Variants in HS3ST4 observed in about 807,000 individuals in gnomAD.
HS3ST4 encodes the protein heparan sulfate-glucosamine 3-sulfotransferase 4, also known as heparan sulfate glucosamine 3-O-sulfotransferase 4.
HS3ST4 carries 17 observed loss-of-function variants against 29.2 expected under a neutral mutation model. That is an observed-to-expected ratio of 0.58 (90% CI 0.40 to 0.87). The LOEUF (loss-of-function observed/expected upper bound fraction) is 0.87, where lower values mean the gene tolerates loss of function less well. HS3ST4 is among the 40% of genes least tolerant of loss of function. The pLI is 0.00. For synonymous variants in HS3ST4, 314 were observed against 285.7 expected, an observed-to-expected ratio of 1.10 and a Z score of -1.00; for missense variants, 627 against 634.5, an observed-to-expected ratio of 0.99 and a Z score of 0.13.
chr16:25,827,539 A>T (rs543912417), intron 1 of HS3ST4, among the ~76,000 whole-genome samples: 1 of 150,596 alleles, frequency 6.6e-6, no homozygotes, highest in African/African-American at 2.5e-5. Flanking sequence ...TTCACAAAAA[A>T]AAAAAAAACA....
chr16:25,870,515 G>A (rs899701695), intron 1 of HS3ST4, among the ~76,000 whole-genome samples: 1 of 152,108 alleles, frequency 6.6e-6, no homozygotes, highest in Non-Finnish European at 1.5e-5. Context: ...AACAGCAAAT[G>A]GGAAGTCCCT....
chr16:25,715,486 G>C (rs1966448073), intron 1 of HS3ST4, among the ~76,000 whole-genome samples: 1 of 152,270 alleles, frequency 6.6e-6, no homozygotes, highest in South Asian at 2.1e-4. Context: ...TGTGGTTATT[G>C]CTCTTGGATG....
chr16:25,819,811 T>C (rs920215664), intron 1 of HS3ST4, among the ~76,000 whole-genome samples: 18 of 151,228 alleles, frequency 1.2e-4, no homozygotes, highest in Non-Finnish European at 2.7e-4. Context: ...GAGGAAAGGA[T>C]TTCAGTTTGG....
chr16:26,129,621 T>C (rs561283880), intron 1 of HS3ST4, among the ~76,000 whole-genome samples: 1 of 152,182 alleles, frequency 6.6e-6, no homozygotes, highest in Non-Finnish European at 1.5e-5. Flanking sequence ...TGAGAAGGGG[T>C]ATTATTAGTA....
At chr16:25,932,483 TG>T (rs912285151) in intron 1 of HS3ST4, among the ~76,000 whole-genome samples, 2 of 152,222 alleles carry the variant, frequency 1.3e-5, no homozygotes, top group African/African-American at 4.8e-5. Context: ...CCATTTTTTT[TG>T]CCCCTGCCTC....
intron 1 of HS3ST4, among the ~76,000 whole-genome samples, chr16:25,707,430 A>G (rs1288532305): frequency 6.6e-6 from 1 of 152,234 alleles, no homozygotes; most frequent in Non-Finnish European, 1.5e-5. Flanking sequence ...TGTATAGGAA[A>G]TAACATAATA....
chr16:25,976,955 A>G (rs577542368), intron 1 of HS3ST4, among the ~76,000 whole-genome samples: 2 of 152,242 alleles, frequency 1.3e-5, no homozygotes, highest in South Asian at 4.1e-4. Flanking sequence ...GTGTTTTACA[A>G]AATGTTTAAA....
At chr16:26,038,461 G>A (rs1969604986) in intron 1 of HS3ST4, among the ~76,000 whole-genome samples, 1 of 151,976 alleles carries the variant, frequency 6.6e-6, no homozygotes, top group Non-Finnish European at 1.5e-5. Flanking sequence ...CAGCACCTGA[G>A]CCTATAGCCC....
chr16:26,042,824 G>C (rs748198850), intron 1 of HS3ST4, among the ~76,000 whole-genome samples: 6 of 152,114 alleles, frequency 3.9e-5, no homozygotes, highest in Non-Finnish European at 5.9e-5. Context: ...TTGGGAAAGA[G>C]GAATGTTTTA....
chr16:26,072,054 A>G (rs1898609320), intron 1 of HS3ST4, among the ~76,000 whole-genome samples: 1 of 152,164 alleles, frequency 6.6e-6, no homozygotes, highest in Non-Finnish European at 1.5e-5. Context: ...AGGAAGGATC[A>G]TTACACATGA....
intron 1 of HS3ST4, among the ~76,000 whole-genome samples, chr16:25,788,797 C>A (rs1196260036): frequency 6.6e-6 from 1 of 151,990 alleles, no homozygotes; most frequent in Admixed American, 6.6e-5. Flanking sequence ...ACCTCACCCC[C>A]ACAAAGTGTT....
intron 1 of HS3ST4, among the ~76,000 whole-genome samples, chr16:26,100,126 G>A (rs568601722): frequency 6.6e-6 from 1 of 152,026 alleles, no homozygotes; most frequent in Non-Finnish European, 1.5e-5. Flanking sequence ...CTGACAGTAG[G>A]GACTCGAAAA....
At chr16:25,848,782 CTTCT>C (rs1446594231) in intron 1 of HS3ST4, among the ~76,000 whole-genome samples, 1 of 151,410 alleles carries the variant, frequency 6.6e-6, no homozygotes, top group African/African-American at 2.4e-5. Flanking sequence ...ATCTTTATTC[CTTCT>C]CTTTTTTTTG....
chr16:26,061,961 G>C (rs1482027395), intron 1 of HS3ST4, among the ~76,000 whole-genome samples: 2 of 152,176 alleles, frequency 1.3e-5, no homozygotes, highest in African/African-American at 2.4e-5. Context: ...TAGTTGGACT[G>C]ATTTAGGTCA....
Position 25,940,621 on chromosome 16 carries a change from G to A in HS3ST4, c.735-194991G>A, listed in dbSNP as rs1968563416. Among the ~76,000 whole-genome samples the A allele has an allele frequency of 2.0e-5, 3 of 152,152 alleles. No individual in the cohort carries two copies. The South Asian group carries it at 6.2e-4, about 32-fold the overall frequency. The stretch of plus-strand genomic sequence containing the variant: ...GTCTGCAAGCCTTGACCAGGGGCAT[G>A]GACAGCAGAGCCAAACTCCTGGAGA... On this transcript the variant is annotated intron_variant, in intron 1 of 1. Transcript: ENST00000331351.
intron 1 of HS3ST4, among the ~76,000 whole-genome samples, chr16:25,923,087 C>G (rs1311241370): frequency 2.0e-5 from 3 of 152,292 alleles, no homozygotes; most frequent in African/African-American, 7.2e-5. Flanking sequence ...TAAAGTTTAC[C>G]AACTTGTTTT....
intron 1 of HS3ST4, among the ~76,000 whole-genome samples, chr16:26,054,799 T>C (rs980479301): frequency 3.9e-5 from 6 of 151,960 alleles, no homozygotes; most frequent in Non-Finnish European, 4.4e-5. Flanking sequence ...CATCGCAAGG[T>C]AACAAAGCTG....
chr16:25,750,817 C>T (rs117952288), intron 1 of HS3ST4, among the ~76,000 whole-genome samples: 2 of 152,326 alleles, frequency 1.3e-5, no homozygotes, highest in East Asian at 3.9e-4. Flanking sequence ...TTTCCTTCCC[C>T]GCTTTTCCCT....
intron 1 of HS3ST4, among the ~76,000 whole-genome samples, chr16:25,801,467 A>G (rs1312173154): frequency 6.6e-6 from 1 of 152,222 alleles, no homozygotes. Flanking sequence ...ACATGCATTG[A>G]CAAATACAAT....
Sources: allele counts gnomAD v4.1 joint callset (sites outside exome capture counted in the v4.1 genomes callset), GRCh38; gene constraint gnomAD v4.1.1; transcripts MANE v1.5; gene names NCBI Gene and HGNC (gene_info 2026-07-23, HGNC 2026-07-21).